The following BTBD9 variants were observed in gnomAD, a reference collection of about 807,000 sequenced individuals.
The protein encoded by BTBD9 is BTB domain containing 9.
BTBD9 carries 49 observed loss-of-function variants against 64.3 expected under a neutral mutation model. That is an observed-to-expected ratio of 0.76 (90% CI 0.61 to 0.97). The LOEUF is 0.97. Ranked by LOEUF, BTBD9 falls within the 50% of genes least tolerant of loss-of-function variation. BTBD9 has a pLI of 0.00. For synonymous variants in BTBD9, 260 were observed against 274.7 expected, an observed-to-expected ratio of 0.95 and a Z score of 0.53; for missense variants, 598 against 762.1, an observed-to-expected ratio of 0.78 and a Z score of 2.53.
At chr6:38,370,145 A>C (rs1765357906) in intron 6 of BTBD9, among the ~76,000 whole-genome samples, 1 of 152,222 alleles carries the variant, frequency 6.6e-6, no homozygotes, top group South Asian at 2.1e-4. Context: ...TTGTAATATA[A>C]GGGACTTCAT....
At chr6:38,372,077 C>T (rs1765450228) in intron 6 of BTBD9, among the ~76,000 whole-genome samples, 1 of 152,154 alleles carries the variant, frequency 6.6e-6, no homozygotes, top group Admixed American at 6.5e-5. Context: ...TCCCAGGTCC[C>T]ATGGGAATCA....
chr6:38,468,056 C>T (rs1190570415), intron 6 of BTBD9, among the ~76,000 whole-genome samples: 1 of 151,854 alleles, frequency 6.6e-6, no homozygotes, highest in Non-Finnish European at 1.5e-5. Flanking sequence ...ACCCTCTATC[C>T]TTCATTCTAA....
At chr6:38,509,212 A>G in intron 6 of BTBD9, among the ~76,000 whole-genome samples, 1 of 152,224 alleles carries the variant, frequency 6.6e-6, no homozygotes, top group East Asian at 1.9e-4. Flanking sequence ...ATACATTTAA[A>G]ATAATCCTCA....
intron 6 of BTBD9, among the ~76,000 whole-genome samples, chr6:38,555,833 T>A (rs956025157): frequency 2.0e-5 from 3 of 152,234 alleles, no homozygotes; most frequent in Non-Finnish European, 4.4e-5. Context: ...TTTCTCTATT[T>A]CATGAAATCT....
At chr6:38,488,342 G>C (rs905524271) in intron 6 of BTBD9, among the ~76,000 whole-genome samples, 1 of 152,028 alleles carries the variant, frequency 6.6e-6, no homozygotes, top group African/African-American at 2.4e-5. Context: ...GCATCAATGA[G>C]ATGATATTAG....
rs1777568064 is a variant in BTBD9 at position 38,610,266 on chromosome 6, A to G, written c.-27-12145T>C. Among the ~76,000 whole-genome samples, 4 of 152,356 alleles carry G rather than the reference A, an allele frequency of 2.6e-5. No individual in the cohort carries two copies. The South Asian group carries it at 8.3e-4, about 32-fold the overall frequency. The stretch of plus-strand genomic sequence containing the variant: ...GAAGCTTATGTTTTACTTGGCAAAC[A>G]GGAATCAGCCGCTGATAACGAAACA... On this transcript the variant is annotated intron_variant, in intron 1 of 10. Coordinates refer to ENST00000481247, the MANE Select transcript of BTBD9 (RefSeq NM_001099272.2).
chr6:38,233,528 G>C (rs1763682466), intron 9 of BTBD9, among the ~76,000 whole-genome samples: 1 of 152,206 alleles, frequency 6.6e-6, no homozygotes, highest in South Asian at 2.1e-4. Context: ...AGGCTGGGCA[G>C]AAAGCAAGGT....
chr6:38,545,032 G>A (rs1350233564), intron 6 of BTBD9, among the ~76,000 whole-genome samples: 1 of 151,434 alleles, frequency 6.6e-6, no homozygotes, highest in Non-Finnish European at 1.5e-5. Flanking sequence ...GTAGGGCACT[G>A]CAGAACATTC....
chr6:38,242,354 A>G (rs1764020974), intron 9 of BTBD9, among the ~76,000 whole-genome samples: 1 of 152,202 alleles, frequency 6.6e-6, no homozygotes, highest in South Asian at 2.1e-4. Context: ...TTTCATGTTT[A>G]CTGTGGTCTT....
At position 38,544,818 on chromosome 6, in the gene BTBD9, T is replaced by C. The variant is rs749955315; in HGVS notation, c.1154+32782A>G. Among the ~76,000 whole-genome samples, 16 of 149,314 alleles carry C rather than the reference T, an allele frequency of 1.1e-4. 1 individual carries two copies. The East Asian group carries it at 1.4e-3, about 13-fold the overall frequency. On this transcript the variant is annotated intron_variant, in intron 6 of 10. Coordinates refer to ENST00000481247, the MANE Select transcript of BTBD9 (RefSeq NM_001099272.2). ...GGTGGGCACCTGTAATCCCAGCTAG[T>C]TGGGAGGCTAAGGCAGGAGAATTGC...
intron 8 of BTBD9, among the ~76,000 whole-genome samples, chr6:38,264,954 T>G (rs1764920740): frequency 6.6e-6 from 1 of 152,108 alleles, no homozygotes; most frequent in Non-Finnish European, 1.5e-5. Flanking sequence ...AGGGAAAAAC[T>G]GGCTGCTCAT....
At chr6:38,292,213 C>T (rs532972706) in intron 7 of BTBD9, among the ~76,000 whole-genome samples, 1 of 152,302 alleles carries the variant, frequency 6.6e-6, no homozygotes, top group Admixed American at 6.5e-5. Context: ...ATCCACCAGC[C>T]TCAGCCTCCC....
intron 6 of BTBD9, among the ~76,000 whole-genome samples, chr6:38,356,297 T>G (rs994267654): frequency 5.3e-5 from 8 of 152,202 alleles, no homozygotes; most frequent in African/African-American, 1.9e-4. Flanking sequence ...GTTATTAATT[T>G]ATTCCCCTGG....
Position 38,593,968 on chromosome 6 carries a change from G to C in BTBD9, c.545C>G (p.Ser182Cys), listed in dbSNP as rs1776926866. Residue 182 changes from serine (S) to cysteine (C), a missense_variant, in exon 3 of 11, where the codon TCT (serine) becomes TGT (cysteine). By Grantham distance (112) the Ser-to-Cys change is moderately radical. Transcript: ENST00000481247. ...VLSSEGFLSL[S>C]KTALLNIVLR... ...ACTTGTAGACAAATGACACACCTTA[G>C]AAAGGGAGAGGAAACCTTCACTTGA... 1.2e-6 allele frequency: 2 copies of C among 1,610,960 alleles called. No homozygotes were observed. The highest frequency in any genetic ancestry group is 3.3e-5 in the Admixed American group (2 of 59,852).
intron 6 of BTBD9, among the ~76,000 whole-genome samples, chr6:38,515,430 T>C (rs1425429161): frequency 1.3e-5 from 2 of 152,198 alleles, no homozygotes; most frequent in Non-Finnish European, 2.9e-5. Flanking sequence ...CTATGGAATT[T>C]GAGCTTAAAA....
chr6:38,275,151 TATAGATCA>T (rs1238769091), intron 8 of BTBD9, among the ~76,000 whole-genome samples: 1 of 152,116 alleles, frequency 6.6e-6, no homozygotes, highest in African/African-American at 2.4e-5. Context: ...AAAACAGAGA[TATAGATCA>T]ATGGAACAGA....
chr6:38,488,365 G>T (rs1384999751), intron 6 of BTBD9, among the ~76,000 whole-genome samples: 2 of 152,100 alleles, frequency 1.3e-5, no homozygotes, highest in African/African-American at 2.4e-5. Flanking sequence ...GACAAAAAAA[G>T]AAAAAGAAGA....
At chr6:38,405,169 T>C (rs575578156) in intron 6 of BTBD9, among the ~76,000 whole-genome samples, 9 of 152,224 alleles carry the variant, frequency 5.9e-5, no homozygotes, top group Non-Finnish European at 7.3e-5. Context: ...CTATCCAGAA[T>C]GCTAAATAGA....
intron 4 of BTBD9, among the ~76,000 whole-genome samples, chr6:38,586,707 T>A (rs1283625765): frequency 1.3e-5 from 2 of 152,196 alleles, no homozygotes; most frequent in East Asian, 3.9e-4. Context: ...AAATTTTATA[T>A]CCTTTTTTTC....
Sources: allele counts gnomAD v4.1 joint callset (sites outside exome capture counted in the v4.1 genomes callset), GRCh38; gene constraint gnomAD v4.1.1; transcripts MANE v1.5; gene names NCBI Gene and HGNC (gene_info 2026-07-23, HGNC 2026-07-21).